Variants in ATG2A observed in about 807,000 individuals in gnomAD.
ATG2A encodes the protein autophagy related 2A, also known as autophagy-related protein 2 homolog A.
ATG2A carries 103 observed loss-of-function variants against 214.2 expected under a neutral mutation model. The observed-to-expected ratio is 0.48, with a 90% CI of 0.41 to 0.57. ATG2A has a LOEUF of 0.57. Among genes scored for constraint, ATG2A ranks in the 20% least tolerant of loss-of-function variants. The pLI, the probability that ATG2A is intolerant of heterozygous loss-of-function variation, is 0.00. For synonymous variants in ATG2A, 1,160 were observed against 1,142.1 expected (o/e 1.02, Z -0.32); for missense variants, 2,312 against 2,613.2 (o/e 0.88, Z 2.51).
In ATG2A at chr11:64,910,677, T is replaced by C; in HGVS notation, c.1646A>G (p.Gln549Arg). The C allele has an allele frequency of 6.2e-7, 1 of 1,610,272 alleles. No individual in the cohort carries two copies. Among genetic ancestry groups the C allele is most frequent in the Non-Finnish European group, 8.5e-7 (1 of 1,178,538 alleles). ...ILTFPGTLGS[Q>R]ASARPCAHLR... ...ATGGGCGCAGGGCCGAGCTGAGGCC[T>C]GGGAGCCCAGCGTACCAGGAAAGGT... The change falls in exon 12 of 41, where the codon CAG (glutamine) becomes CGG (arginine). Residue 549 changes from glutamine (Q) to arginine (R), a missense_variant. Gln to Arg is a conservative substitution (Grantham distance 43). Transcript: ENST00000377264.
chr11:64,914,183 G>T lies in ATG2A; in HGVS notation c.385C>A (p.Leu129Met), dbSNP rs1229978722. The T allele has an allele frequency of 1.3e-6, 2 of 1,553,482 alleles. No individual in the cohort carries two copies. The highest frequency in any genetic ancestry group is 2.4e-5 in the South Asian group (2 of 84,242). ...CGCAGACACTCCTGGGCCAGCTGCA[G>T]GCTTGTGGTCATGCATGAGGCCCAG... Reference protein sequence around the residue: ...QSWASCMTTSLQLAQECLRDG... With the variant: ...QSWASCMTTSMQLAQECLRDG... Residue 129 changes from leucine to methionine, a missense_variant, in exon 3 of 41, where the codon CTG becomes ATG. Coordinates refer to ENST00000377264, the MANE Select transcript of ATG2A (RefSeq NM_015104.3).
Position 64,911,898 on chromosome 11 carries a change from G to T in ATG2A, c.1172C>A (p.Ser391Tyr). The change falls in exon 9 of 41, where the codon TCC becomes TAC. Residue 391 changes from serine to tyrosine, a missense_variant. Transcript: ENST00000377264. ...GGAGGCCATGTCGCTGCGCACAGAG[G>T]AGGCCAGGTCTACATCGGAGAGGGA... ...ELSLSDVDLASSVRSDMASRR... is the reference protein window; with the variant it reads ...ELSLSDVDLAYSVRSDMASRR... 1 of 1,613,774 alleles carries T rather than the reference G, an allele frequency of 6.2e-7. No homozygotes were observed. Among genetic ancestry groups the T allele is most frequent in the Non-Finnish European group, 8.5e-7 (1 of 1,179,920 alleles).
Position 64,898,100 on chromosome 11 carries a change from TCCC to T in ATG2A, c.4841_4843del (p.Gly1614del), listed in dbSNP as rs2136542754. 3 of 1,613,920 alleles carry T rather than the reference TCCC, an allele frequency of 1.9e-6. No individual in the cohort carries two copies. In the East Asian group the frequency reaches 6.7e-5, roughly 36 times the overall value. ...CAGCCTCTCACCCTCAGCGGAGGTC[TCCC>T]CTGGGACCACGGGGTTGATGCCGGC... On this transcript the variant is annotated inframe_deletion, in exon 34 of 41. Coordinates refer to ENST00000377264, the MANE Select transcript of ATG2A (RefSeq NM_015104.3). This position sits in a 1 kb window ranked among gnomAD's most constrained non-coding sequence, Gnocchi z 4.5.
Position 64,905,564 on chromosome 11 carries a change from T to G in ATG2A, c.3463A>C (p.Arg1155=), listed in dbSNP as rs1176438322. Residue 1155 remains arginine, a splice_region_variant and synonymous_variant, in exon 24 of 41, where the codon AGG becomes CGG. Coordinates refer to ENST00000377264, the MANE Select transcript of ATG2A (RefSeq NM_015104.3). ...CCCAGTGTGGGGCGGCCTGCATACC[T>G]GAGCAGGAAGGTGGAGGTGTCCATG... ...IIMDTSTFLL[R]FILDDSALYL... is the part of the protein sequence containing the mutation. The G allele has an allele frequency of 6.2e-7, 1 of 1,610,368 alleles. No individual in the cohort carries two copies. The highest frequency in any genetic ancestry group is 1.1e-5 in the South Asian group (1 of 90,326).
Position 64,898,940 on chromosome 11 carries a change from G to C in ATG2A, c.4465-98C>G, listed in dbSNP as rs1223191579. On this transcript the variant is annotated intron_variant, in intron 31 of 40. Coordinates refer to ENST00000377264, the MANE Select transcript of ATG2A (RefSeq NM_015104.3). The surrounding 1 kb of genome is among the most constrained non-coding windows in gnomAD (Gnocchi z 4.5). ...TTCTCTATTCTTTTTTTGAGACAGA[G>C]TCTCACTCTGTCGCCCAGGTTGGAG... is the stretch of plus-strand genomic sequence containing the variant. The C allele has an allele frequency of 8.5e-7, 1 of 1,176,688 alleles. No homozygotes were observed. The highest frequency in any genetic ancestry group is 1.2e-6 in the Non-Finnish European group (1 of 838,104). 72.9% of individuals were successfully genotyped at this position (1,176,688 alleles called of 1,614,324 possible).
At position 64,900,895 on chromosome 11, in the gene ATG2A, G is replaced by A; in HGVS notation, c.4317C>T (p.His1439=). 1 of 1,560,934 alleles carries A rather than the reference G, an allele frequency of 6.4e-7. No homozygotes were observed. Among genetic ancestry groups the A allele is most frequent in the Non-Finnish European group, 8.7e-7 (1 of 1,153,252 alleles). ...CCGCTCCTCCTCACCTGTGGCCGGG[G>A]TGGGGGCCAAAGTCTCGGCCCCCAT... is the stretch of plus-strand genomic sequence containing the variant. ...HLYGGRDFGP[H]PGHRARTGLS... Residue 1439 remains histidine (H), a synonymous_variant, in exon 30 of 41, where the codon CAC becomes CAT. Coordinates refer to ENST00000377264, the MANE Select transcript of ATG2A (RefSeq NM_015104.3).
At position 64,913,865 on chromosome 11, in the gene ATG2A, C is replaced by T. The variant is rs767515356; in HGVS notation, c.546G>A (p.Pro182=). The change falls in exon 4 of 41, where the codon CCG becomes CCA. Residue 182 remains proline, a synonymous_variant. Coordinates refer to ENST00000377264, the MANE Select transcript of ATG2A (RefSeq NM_015104.3). This position sits in a 1 kb window ranked among gnomAD's most constrained non-coding sequence, Gnocchi z 4.3. ...CGGCCACACCACGTTCCCCATCACC[C>T]GGAGAGTGCTCCACCCTCACGACAG... is the stretch of plus-strand genomic sequence containing the variant. The part of the protein sequence containing the change: ...LDTVVRVEHS[P]GDGERGVAVE... The T allele has an allele frequency of 1.5e-5, 25 of 1,613,862 alleles. No homozygotes were observed. The highest frequency in any genetic ancestry group is 5.3e-5 in the African/African-American group (4 of 74,908).
At position 64,904,361 on chromosome 11, in the gene ATG2A, A is replaced by C. The variant is rs991012862; in HGVS notation, c.3465-701T>G. Among the ~76,000 whole-genome samples, 3 of 151,608 alleles carry C rather than the reference A, an allele frequency of 2.0e-5. No individual in the cohort carries two copies. In the South Asian group the frequency reaches 6.2e-4, roughly 31 times the overall value. ...GGAGTTCGAGACCAGCCTGACCAACAAGGTGAAACCCTGTCTCTACTAAAA... is the reference window on the plus strand; with the variant it reads ...GGAGTTCGAGACCAGCCTGACCAACCAGGTGAAACCCTGTCTCTACTAAAA... On this transcript the variant is annotated intron_variant, in intron 24 of 40. Transcript: ENST00000377264.
intron 38 of ATG2A, 51 bp from the exon 39 acceptor site, chr11:64,896,667 C>T (rs1333254984): frequency 6.2e-7 from 1 of 1,607,168 alleles, no homozygotes; most frequent in Admixed American, 1.7e-5. Flanking sequence ...GCCCCCACCT[C>T]CTCCTCTTAT....
chr11:64,906,315 A>G lies in ATG2A; in HGVS notation c.3183+19T>C. 1.2e-6 allele frequency: 2 copies of G among 1,611,550 alleles called. No individual in the cohort carries two copies. Among genetic ancestry groups the G allele is most frequent in the Non-Finnish European group, 1.7e-6 (2 of 1,178,732 alleles). On this transcript the variant is annotated intron_variant, in intron 21 of 40. Transcript: ENST00000377264. Reference sequence around the variant, plus strand: ...CAGCCCAGGCTAGCAGGAGGGGTGGATGGTAGGCAAGCCCATACCTTCACA... The same window carrying G: ...CAGCCCAGGCTAGCAGGAGGGGTGGGTGGTAGGCAAGCCCATACCTTCACA...
chr11:64,907,210 G>T, intron 19 of ATG2A, 45 bp downstream of exon 19: 1 of 1,457,420 alleles, frequency 6.9e-7, no homozygotes. Flanking sequence ...TGCCGCCAAT[G>T]GGAGCTCTGA....
In ATG2A at chr11:64,900,999, A is replaced by AG; in HGVS notation, c.4212dup (p.Leu1406AlafsTer18). On this transcript the variant is annotated frameshift_variant, in exon 30 of 41. Transcript: ENST00000377264. LOFTEE classifies it high-confidence loss of function. ...GGGAAATGGGCAGGTGCCCGCAGCA[A>AG]GTCCGTGCTGCCGATCGGCCGTGAG... is the stretch of plus-strand genomic sequence containing the variant. The AG allele has an allele frequency of 6.3e-7, 1 of 1,590,630 alleles. No homozygotes were observed. Among genetic ancestry groups the AG allele is most frequent in the Non-Finnish European group, 8.6e-7 (1 of 1,168,732 alleles).
At position 64,906,875 on chromosome 11, in the gene ATG2A, TG is replaced by T. The variant is rs957431605; in HGVS notation, c.2833-61del. 7.1e-6 allele frequency: 11 copies of T among 1,558,126 alleles called. No individual in the cohort carries two copies. The African/African-American group carries it at 1.4e-4, about 19-fold the overall frequency. On this transcript the variant is annotated intron_variant, in intron 19 of 40. Transcript: ENST00000377264. ...TGCACTCAGCAACCCTCAAGCCCTC[TG>T]GGGGTTGGCGGCTCCTGGAGCCCTG...
Position 64,898,403 on chromosome 11 carries a change from T to TG in ATG2A, c.4672-42dup. ...GAGTTCTGGACACCTGCTGGGCCTCTGGGGCAGCAGCTCACCCAGCTGTTC... is the reference window on the plus strand; with the variant it reads ...GAGTTCTGGACACCTGCTGGGCCTCTGGGGGCAGCAGCTCACCCAGCTGTTC... On this transcript the variant is annotated intron_variant, in intron 32 of 40. Coordinates refer to ENST00000377264, the MANE Select transcript of ATG2A (RefSeq NM_015104.3). The surrounding 1 kb of genome is among the most constrained non-coding windows in gnomAD (Gnocchi z 4.5). 6.6e-7 allele frequency: 1 copy of TG among 1,508,694 alleles called. No individual in the cohort carries two copies. The highest frequency in any genetic ancestry group is 1.2e-5 in the South Asian group (1 of 81,734). 93.5% of individuals were successfully genotyped at this position (1,508,694 alleles called of 1,614,324 possible).
In ATG2A at chr11:64,907,375, C is replaced by T; in HGVS notation, c.2712G>A (p.Val904=). ...SDDEDAHFFS[V]GASGGPQAAA... Reference sequence around the variant, plus strand: ...CGGCCTGTGGGCCACCTGATGCCCCCACTGAGAAGAAGTGGGCATCCTCGT... The same window carrying T: ...CGGCCTGTGGGCCACCTGATGCCCCTACTGAGAAGAAGTGGGCATCCTCGT... Residue 904 remains valine, a synonymous_variant, in exon 19 of 41, where the codon GTG becomes GTA. Coordinates refer to ENST00000377264, the MANE Select transcript of ATG2A (RefSeq NM_015104.3). 1.3e-6 allele frequency: 2 copies of T among 1,564,650 alleles called. No homozygotes were observed. The highest frequency in any genetic ancestry group is 1.2e-5 in the South Asian group (1 of 85,210).
rs534364576 is a variant in ATG2A at position 64,898,314 on chromosome 11, G to A, written c.4720C>T (p.Pro1574Ser). Residue 1574 changes from proline (P) to serine (S), a missense_variant, in exon 33 of 41, where the codon CCT becomes TCT. By Grantham distance (74) the Pro-to-Ser change is moderately conservative. Transcript: ENST00000377264. The surrounding 1 kb of genome is among the most constrained non-coding windows in gnomAD (Gnocchi z 4.5). ...HVAPTTNLGGPECCLRVSLMP... is the reference protein window; with the variant it reads ...HVAPTTNLGGSECCLRVSLMP... ...AGCGAGACGCGGAGACAGCACTCAG[G>A]CCCACCCAGGTTGGTAGTGGGGGCC... 2 of 1,612,188 alleles carry A rather than the reference G, an allele frequency of 1.2e-6. No individual in the cohort carries two copies. Among genetic ancestry groups the A allele is most frequent in the East Asian group, 4.5e-5 (2 of 44,850 alleles).
chr11:64,908,484 G>A (rs111942205), intron 16 of ATG2A, among the ~76,000 whole-genome samples: 1,599 of 152,214 alleles, frequency 0.011, 32 homozygotes, highest in African/African-American at 0.036. Flanking sequence ...CCTGGGAGGC[G>A]GAGGTTGCGG....
In ATG2A at chr11:64,909,221, C is replaced by A. The variant is rs767994988; in HGVS notation, c.2204+50G>T. On this transcript the variant is annotated intron_variant, in intron 15 of 40. Coordinates refer to ENST00000377264, the MANE Select transcript of ATG2A (RefSeq NM_015104.3). The stretch of plus-strand genomic sequence containing the variant: ...CCAGTTCCAAACTGGCCCCCTGCCA[C>A]CCCCAGCAGAACCCTCCTCTCCTGG... 32 of 1,610,526 alleles carry A rather than the reference C, an allele frequency of 2.0e-5. No homozygotes were observed. In the East Asian group the frequency reaches 6.9e-4, roughly 35 times the overall value.
chr11:64,895,382 G>T lies in ATG2A; in HGVS notation c.5488C>A (p.Gln1830Lys). 1 of 1,611,836 alleles carries T rather than the reference G, an allele frequency of 6.2e-7. No individual in the cohort carries two copies. The highest frequency in any genetic ancestry group is 8.5e-7 in the Non-Finnish European group (1 of 1,178,996). The change falls in exon 40 of 41, where the codon CAG (glutamine) becomes AAG (lysine). Residue 1830 changes from glutamine to lysine, a missense_variant. Gln to Lys is a moderately conservative substitution (Grantham distance 53). Transcript: ENST00000377264. The surrounding 1 kb of genome is among the most constrained non-coding windows in gnomAD (Gnocchi z 5.0). ...AGCCTCCGCGCAGAGCGCTTATCCT[G>T]CAGGGAGCGGGAGACGGGGGCTGCC... The part of the protein sequence containing the change: ...SPAAPVSRSL[Q>K]DKRSARRLRR...
Sources: gnomAD v4.1 joint callset for allele counts (sites outside exome capture counted in the v4.1 genomes callset) on GRCh38, gnomAD v4.1.1 for gene constraint, Gnocchi (gnomAD v3.1) non-coding constraint, MANE v1.5 for transcripts, NCBI Gene and HGNC (gene_info 2026-07-23, HGNC 2026-07-21) for gene names.